Variants in IL36RN observed in about 807,000 individuals in gnomAD.
The protein encoded by IL36RN is interleukin-36 receptor antagonist protein.
Under a neutral mutation model 13.0 loss-of-function variants are expected in IL36RN, and 11 were observed. That is an observed-to-expected ratio of 0.85 (90% CI 0.53 to 1.40). The LOEUF (loss-of-function observed/expected upper bound fraction) is 1.40. Ranked by LOEUF, IL36RN falls within the 40% of genes most tolerant of loss-of-function variation. The pLI is 0.00. For synonymous variants in IL36RN, 94 were observed against 84.1 expected, an observed-to-expected ratio of 1.12 and a Z score of -0.64; for missense variants, 195 against 195.3, an observed-to-expected ratio of 1.00 and a Z score of 0.01.
In IL36RN at chr2:113,062,742, C is replaced by T; in HGVS notation, c.*65C>T. 1 of 1,379,100 alleles carries T rather than the reference C, an allele frequency of 7.3e-7. No individual in the cohort carries two copies. The allele number at this position is 1,379,100 out of a possible 1,614,324, so 85.4% of individuals were successfully genotyped here. A position where few individuals can be genotyped will look rare whatever the true frequency, so the allele number is the denominator to read the frequency against. On this transcript the variant is annotated 3_prime_UTR_variant, in exon 5 of 5. Coordinates refer to ENST00000393200, the MANE Select transcript of IL36RN (RefSeq NM_012275.3). The stretch of plus-strand genomic sequence containing the variant: ...CGGGTGAGGGGTGAGTGGAGGAGAC[C>T]CATGGCGGACAATCACTCTCTCTGC...
At position 113,062,896 on chromosome 2, in the gene IL36RN, G is replaced by T; in HGVS notation, c.*219G>T. On this transcript the variant is annotated 3_prime_UTR_variant, in exon 5 of 5. Transcript: ENST00000393200. ...CCCACTGGATGGTGCTACTGCTGTG[G>T]AATCTTGTAAAAACCATGTGGGGTA... 1 of 593,910 alleles carries T rather than the reference G, an allele frequency of 1.7e-6. No individual in the cohort carries two copies. The highest frequency in any genetic ancestry group is 3.0e-6 in the Non-Finnish European group (1 of 331,704). The allele number at this position is 593,910 out of a possible 1,614,324, so 36.8% of individuals were successfully genotyped here. A position where few individuals can be genotyped will look rare whatever the true frequency, so the allele number is the denominator to read the frequency against.
Position 113,064,281 on chromosome 2 carries a change from T to A in IL36RN, c.*1604T>A, listed in dbSNP as rs1254173353. 6 of 152,324 alleles carry A rather than the reference T, an allele frequency of 3.9e-5. No individual in the cohort carries two copies. Among genetic ancestry groups the A allele is most frequent in the South Asian group, 2.1e-4 (1 of 4,822 alleles). 9.4% of individuals were successfully genotyped at this position (152,324 alleles called of 1,614,324 possible). Reference sequence around the variant, plus strand: ...GAACGAAGAAAGAATAAATTTCGGCTGTTTTAAGCCACCAAGGATAATTGG... The same window carrying A: ...GAACGAAGAAAGAATAAATTTCGGCAGTTTTAAGCCACCAAGGATAATTGG... On this transcript the variant is annotated 3_prime_UTR_variant, in exon 5 of 5. Coordinates refer to ENST00000393200, the MANE Select transcript of IL36RN (RefSeq NM_012275.3).
chr2:113,060,387 T>G lies in IL36RN; in HGVS notation c.30-465T>G, dbSNP rs72946715. On this transcript the variant is annotated intron_variant, in intron 2 of 4. Transcript: ENST00000393200. Reference sequence around the variant, plus strand: ...ACTTAGTAAGGAATATATGACCAAATAGAAATACATGTATCTTGAAGAATT... The same window carrying G: ...ACTTAGTAAGGAATATATGACCAAAGAGAAATACATGTATCTTGAAGAATT... Among the ~76,000 whole-genome samples the G allele has an allele frequency of 2.0e-3, 307 of 152,248 alleles. 3 individuals carry two copies. Among genetic ancestry groups the G allele is most frequent in the African/African-American group, 6.9e-3 (288 of 41,540 alleles).
Sources: allele counts gnomAD v4.1 joint callset (sites outside exome capture counted in the v4.1 genomes callset), GRCh38; gene constraint gnomAD v4.1.1; transcripts MANE v1.5; gene names NCBI Gene and HGNC (gene_info 2026-07-23, HGNC 2026-07-21).